ZNF800: variants seen among roughly 807,000 people sequenced by gnomAD.
ZNF800 encodes the protein zinc finger protein 800.
A neutral mutation model predicts 59.5 loss-of-function variants in ZNF800; 13 were observed. The observed-to-expected ratio is 0.22, with a 90% CI of 0.14 to 0.35. ZNF800 has a LOEUF of 0.35. Among genes scored for constraint, ZNF800 ranks in the 10% least tolerant of loss-of-function variants. The pLI, the probability that ZNF800 is intolerant of heterozygous loss-of-function variation, is 1.00. For missense variants in ZNF800, 621 were observed against 783.7 expected, an observed-to-expected ratio of 0.79 and a Z score of 2.48; for synonymous variants, 266 against 265.7, an observed-to-expected ratio of 1.00 and a Z score of -0.01.
At chr7:127,379,853 C>CCCA (rs1800912717) in intron 3 of ZNF800, among the ~76,000 whole-genome samples, 1 of 34,702 alleles carries the variant, frequency 2.9e-5, no homozygotes, top group Admixed American at 2.7e-4. Flanking sequence ...CACCCCCCCA[C>CCCA]CCCCCCCACA....
intron 1 of ZNF800, among the ~76,000 whole-genome samples, chr7:127,364,940 A>C (rs751893114): frequency 4.6e-5 from 7 of 152,132 alleles, no homozygotes; most frequent in African/African-American, 7.2e-5. Context: ...AATGATAACC[A>C]ATCAACTCCA....
At chr7:127,346,056 A>C (rs183860582), downstream of ZNF800, among the ~76,000 whole-genome samples, 1 of 152,300 alleles carries the variant, frequency 6.6e-6, no homozygotes, top group African/African-American at 2.4e-5. Context: ...TTGAAAAGGC[A>C]AGGGGGCTGG....
chr7:127,358,598 C>T (rs1587425389), intron 1 of ZNF800, among the ~76,000 whole-genome samples: 3 of 152,098 alleles, frequency 2.0e-5, no homozygotes, highest in African/African-American at 2.4e-5. Flanking sequence ...CATACTCCTT[C>T]CCTTAATCTA....
At chr7:127,355,213 G>C (rs1800245647) in intron 1 of ZNF800, among the ~76,000 whole-genome samples, 1 of 151,994 alleles carries the variant, frequency 6.6e-6, no homozygotes, top group South Asian at 2.1e-4. Flanking sequence ...AAAAGAACCA[G>C]AGAAGGCCAA....
In ZNF800 at chr7:127,392,532, G is replaced by A. The variant is rs1456299437; in HGVS notation, c.-531C>T. The A allele has an allele frequency of 6.5e-6, 2 of 307,460 alleles. No individual in the cohort carries two copies. Among genetic ancestry groups the A allele is most frequent in the Non-Finnish European group, 1.2e-5 (2 of 167,630 alleles). The allele number at this position is 307,460 out of a possible 1,614,324, so 19.0% of individuals were successfully genotyped here. A position where few individuals can be genotyped will look rare whatever the true frequency, so the allele number is the denominator to read the frequency against. ...CTTTAGGAGAGGGGCGGAGAAAAAT[G>A]GGGGTCTCCCCCAACCTTGGGCCTT... On this transcript the variant is annotated 5_prime_UTR_variant, in exon 1 of 6. Transcript: ENST00000265827.
intron 1 of ZNF800, chr7:127,360,525 C>G (rs1800373527): frequency 6.6e-6 from 1 of 152,072 alleles, no homozygotes; most frequent in Non-Finnish European, 1.5e-5. Flanking sequence ...TTGAGGTCAA[C>G]TCAGATGTAT....
intron 1 of ZNF800, among the ~76,000 whole-genome samples, chr7:127,356,195 C>G (rs922722621): frequency 1.6e-4 from 25 of 151,806 alleles, no homozygotes; most frequent in Admixed American, 1.3e-3. Flanking sequence ...CACTTAACTT[C>G]TGGCAAAATA....
intron 1 of ZNF800, chr7:127,364,438 T>C (rs528744119): frequency 6.6e-6 from 1 of 152,218 alleles, no homozygotes; most frequent in African/African-American, 2.4e-5. Flanking sequence ...TCTCAGAAGC[T>C]TACAGTCTGA....
intron 1 of ZNF800, 115 bp from the exon 2 acceptor site, chr7:127,391,730 C>T (rs1250187960): frequency 1.6e-6 from 1 of 639,934 alleles, no homozygotes; most frequent in Non-Finnish European, 2.8e-6. Flanking sequence ...CGGACCCGCA[C>T]CTCCCTCTCG....
chr7:127,384,895 T>G (rs1801092972), intron 3 of ZNF800, among the ~76,000 whole-genome samples: 2 of 152,116 alleles, frequency 1.3e-5, no homozygotes, highest in African/African-American at 4.8e-5. Flanking sequence ...ATCCCTAAAA[T>G]AGTTTATACC....
rs1353502866 is a variant in ZNF800, at chr7:127,371,615, T to C, written c.*199A>G. 2.2e-6 allele frequency: 1 copy of C among 447,028 alleles called. No individual in the cohort carries two copies. Among genetic ancestry groups the C allele is most frequent in the Admixed American group, 4.2e-5 (1 of 23,816 alleles). 27.7% of individuals were successfully genotyped at this position (447,028 alleles called of 1,614,324 possible). On this transcript the variant is annotated 3_prime_UTR_variant, in exon 6 of 6. Transcript: ENST00000265827. Reference sequence around the variant, plus strand: ...TAATATCACAGCTACTTGAAAGTGCTGGAATAGGCAGTGCCTTAGAAACAA... The same window carrying C: ...TAATATCACAGCTACTTGAAAGTGCCGGAATAGGCAGTGCCTTAGAAACAA...
downstream of ZNF800, among the ~76,000 whole-genome samples, chr7:127,367,354 T>C (rs1800531842): frequency 6.6e-6 from 1 of 152,152 alleles, no homozygotes. Flanking sequence ...TATGGGTACA[T>C]ATGCATTTAC....
At chr7:127,355,624 G>A (rs1488337102) in intron 1 of ZNF800, among the ~76,000 whole-genome samples, 3 of 152,048 alleles carry the variant, frequency 2.0e-5, no homozygotes, top group East Asian at 1.9e-4. Context: ...CAAGCAAGGA[G>A]AGTCAGTTCT....
chr7:127,384,053 C>A (rs2117178876), intron 3 of ZNF800, among the ~76,000 whole-genome samples: 1 of 151,764 alleles, frequency 6.6e-6, no homozygotes, highest in Admixed American at 6.6e-5. Context: ...GATATGATCA[C>A]AACATAATAA....
At chr7:127,380,933 C>A (rs1381115171) in intron 3 of ZNF800, among the ~76,000 whole-genome samples, 2 of 152,188 alleles carry the variant, frequency 1.3e-5, no homozygotes, top group Non-Finnish European at 1.5e-5. Flanking sequence ...CTAATAGGTG[C>A]TCAATAAAAA....
intron 1 of ZNF800, among the ~76,000 whole-genome samples, chr7:127,357,966 T>A (rs898408187): frequency 6.6e-6 from 1 of 152,012 alleles, no homozygotes; most frequent in African/African-American, 2.4e-5. Context: ...TGTAGTAGTA[T>A]AATACATTGA....
At chr7:127,373,033 T>A in intron 5 of ZNF800, 1 of 985,164 alleles carries the variant, frequency 1.0e-6, no homozygotes, top group Non-Finnish European at 1.2e-6. Flanking sequence ...ATTGTAAACA[T>A]AAGCCAATAT....
At chr7:127,357,731 C>T (rs1321559568) in intron 1 of ZNF800, among the ~76,000 whole-genome samples, 1 of 151,798 alleles carries the variant, frequency 6.6e-6, no homozygotes, top group Non-Finnish European at 1.5e-5. Context: ...TCTCTGAATA[C>T]AACACATAAA....
At chr7:127,375,514 G>A (rs1293434233) in intron 4 of ZNF800, among the ~76,000 whole-genome samples, 1 of 151,948 alleles carries the variant, frequency 6.6e-6, no homozygotes, top group African/African-American at 2.4e-5. Context: ...ATCTAATCTA[G>A]TCTATTTGAG....
Sources: allele counts gnomAD v4.1 joint callset (sites outside exome capture counted in the v4.1 genomes callset), GRCh38; gene constraint gnomAD v4.1.1; transcripts MANE v1.5; gene names NCBI Gene and HGNC (gene_info 2026-07-23, HGNC 2026-07-21).